Variants in ARHGEF40 observed in about 807,000 individuals in gnomAD.
The protein encoded by ARHGEF40 is Rho guanine nucleotide exchange factor (GEF) 40.
ARHGEF40 carries 98 observed loss-of-function variants against 165.9 expected under a neutral mutation model. The ratio of observed to expected loss-of-function variants is 0.59; its 90% CI spans 0.50 to 0.70. The LOEUF (loss-of-function observed/expected upper bound fraction) is 0.70. Among genes scored for constraint, ARHGEF40 ranks in the 30% least tolerant of loss-of-function variants. The pLI, the probability that ARHGEF40 is intolerant of heterozygous loss-of-function variation, is 0.00. For missense variants in ARHGEF40, 1,815 were observed against 1,968.0 expected, an observed-to-expected ratio of 0.92 and a Z score of 1.47; for synonymous variants, 792 against 814.3, an observed-to-expected ratio of 0.97 and a Z score of 0.47.
At chr14:21,066,962 G>A (rs1374208542), upstream of ARHGEF40, among the ~76,000 whole-genome samples, 3 of 152,244 alleles carry the variant, frequency 2.0e-5, no homozygotes, top group Non-Finnish European at 4.4e-5. Context: ...ACAAGAACAC[G>A]TGCTCTCAAG....
At chr14:21,071,307 A>C (rs1241653201) in intron 1 of ARHGEF40, among the ~76,000 whole-genome samples, 1 of 152,184 alleles carries the variant, frequency 6.6e-6, no homozygotes, top group East Asian at 1.9e-4. Flanking sequence ...GGGCACTGCC[A>C]GAGAGAGCGC....
chr14:21,081,528 AG>A lies in ARHGEF40; in HGVS notation c.2663del (p.Gly888AlafsTer61). The A allele has an allele frequency of 6.2e-7, 1 of 1,613,036 alleles. No homozygotes were observed. The highest frequency in any genetic ancestry group is 8.5e-7 in the Non-Finnish European group (1 of 1,179,902). ...TCGTAGGCACATGAATGGGTGGATGAGGGCTTTGCTCGGCTGGCAGGAGCTG... is the reference window on the plus strand; with the variant it reads ...TCGTAGGCACATGAATGGGTGGATGAGGCTTTGCTCGGCTGGCAGGAGCTG... ...FFQQAHEWVDEGFARLAGAGP... is the reference protein window; with the variant it reads ...FFQQAHEWVDXGFARLAGAGP... On this transcript the variant is annotated frameshift_variant, in exon 14 of 24. Coordinates refer to ENST00000298694, the MANE Select transcript of ARHGEF40 (RefSeq NM_018071.5). LOFTEE classifies it high-confidence loss of function.
chr14:21,084,690 G>T lies in ARHGEF40; in HGVS notation c.3790-63G>T, dbSNP rs572937754. 2.3e-4 allele frequency: 357 copies of T among 1,542,996 alleles called. 3 individuals are homozygous for T. In the South Asian group the frequency reaches 4.3e-3, roughly 19 times the overall value. On this transcript the variant is annotated intron_variant, in intron 17 of 23. Transcript: ENST00000298694. Reference sequence around the variant, plus strand: ...CCACTTGCCCTATAAATCTATTTTTGCTCCCTGTAAAATACAAACAAAGGG... The same window carrying T: ...CCACTTGCCCTATAAATCTATTTTTTCTCCCTGTAAAATACAAACAAAGGG...
chr14:21,079,938 A>G (rs991120296), intron 11 of ARHGEF40, among the ~76,000 whole-genome samples: 1 of 152,126 alleles, frequency 6.6e-6, no homozygotes, highest in African/African-American at 2.4e-5. Flanking sequence ...CTGAGTTCCC[A>G]AGTCCTCATC....
Position 21,087,824 on chromosome 14 carries a change from G to T in ARHGEF40, c.4388-144G>T, listed in dbSNP as rs1888481401. ...CTGACAATTTCCTGCCTCTTGGTAG[G>T]GGGTTCCCTTGCAACTGGATCGCTA... is the stretch of plus-strand genomic sequence containing the variant. On this transcript the variant is annotated intron_variant, in intron 21 of 23. Transcript: ENST00000298694. The T allele has an allele frequency of 3.6e-6, 4 of 1,097,916 alleles. No individual in the cohort carries two copies. In the East Asian group the frequency reaches 9.5e-5, roughly 26 times the overall value. 68.0% of individuals were successfully genotyped at this position (1,097,916 alleles called of 1,614,324 possible). A position where few individuals can be genotyped will look rare whatever the true frequency, so the allele number is the denominator to read the frequency against.
chr14:21,070,064 G>A (rs1256935917), upstream of ARHGEF40, among the ~76,000 whole-genome samples: 1 of 152,232 alleles, frequency 6.6e-6, no homozygotes, highest in Non-Finnish European at 1.5e-5. The surrounding 1 kb of genome is among the most constrained non-coding windows in gnomAD (Gnocchi z 4.7). Flanking sequence ...CTGGAGGGCG[G>A]GGCGGAGAAG....
At chr14:21,079,364 T>A (rs2139236398) in intron 11 of ARHGEF40, among the ~76,000 whole-genome samples, 1 of 152,282 alleles carries the variant, frequency 6.6e-6, no homozygotes. Flanking sequence ...AGCTCATTAG[T>A]TATACTGCCA....
intron 20 of ARHGEF40, 94 bp downstream of exon 20, chr14:21,087,199 A>G: frequency 6.3e-7 from 1 of 1,581,524 alleles, no homozygotes; most frequent in Non-Finnish European, 8.6e-7. Flanking sequence ...CAGGAAAGGC[A>G]TCTCGTCCCC....
At chr14:21,063,116 C>T in the ARHGEF40 span, among the ~76,000 whole-genome samples, 34 of 151,898 alleles carry the variant, frequency 2.2e-4, no homozygotes, top group Non-Finnish European at 3.7e-4. Flanking sequence ...GGCAACGGAG[C>T]GAGACCCTGT....
chr14:21,077,079 C>T (rs1189867480), intron 8 of ARHGEF40, among the ~76,000 whole-genome samples, 189 bp downstream of exon 8: 2 of 152,088 alleles, frequency 1.3e-5, no homozygotes, highest in African/African-American at 2.4e-5. Flanking sequence ...CCATGTTCTA[C>T]TGGGGAGATA....
chr14:21,070,791 T>G lies in ARHGEF40; in HGVS notation c.3+392T>G. On this transcript the variant is annotated intron_variant, in intron 1 of 23. Coordinates refer to ENST00000298694, the MANE Select transcript of ARHGEF40 (RefSeq NM_018071.5). The surrounding 1 kb of genome is among the most constrained non-coding windows in gnomAD (Gnocchi z 4.7). The stretch of plus-strand genomic sequence containing the variant: ...CTGCGGGTTGGTCCTGCAGCGACCC[T>G]GGAAGAGGCCCGGCCCCTCGGGTCA... The G allele has an allele frequency of 3.3e-6, 5 of 1,534,438 alleles. No individual in the cohort carries two copies. The highest frequency in any genetic ancestry group is 2.5e-5 in the East Asian group (1 of 40,758).
Position 21,078,289 on chromosome 14 carries a change from G to C in ARHGEF40, c.2130+17G>C, listed in dbSNP as rs1426650971. ...GAGGAAGAGGTATGAAATGAGATGG[G>C]ACAGTGGGGGGATGGGATTGGGATG... On this transcript the variant is annotated intron_variant, in intron 9 of 23. Coordinates refer to ENST00000298694, the MANE Select transcript of ARHGEF40 (RefSeq NM_018071.5). 4.3e-5 allele frequency: 69 copies of C among 1,612,058 alleles called. No individual in the cohort carries two copies. Among genetic ancestry groups the C allele is most frequent in the Non-Finnish European group, 5.8e-5 (68 of 1,179,002 alleles).
rs1025511798 is a variant in ARHGEF40, at chr14:21,088,856, C to T, written c.4545C>T (p.Pro1515=). ...GTCATGCTCGAGCCCTGAGTGACCC[C>T]ACCACGCCTCTGTGACCTGGGTGAG... ...RQSHARALSD[P]TTPL The change falls in exon 23 of 24, where the codon CCC becomes CCT. Residue 1515 remains proline (P), a synonymous_variant. Coordinates refer to ENST00000298694, the MANE Select transcript of ARHGEF40 (RefSeq NM_018071.5). 1.9e-6 allele frequency: 3 copies of T among 1,613,330 alleles called. No individual in the cohort carries two copies. The South Asian group carries it at 3.3e-5, about 18-fold the overall frequency.
the ARHGEF40 span, among the ~76,000 whole-genome samples, chr14:21,063,035 T>C: frequency 6.7e-6 from 1 of 150,228 alleles, no homozygotes; most frequent in Non-Finnish European, 1.5e-5. Context: ...GATGCTGAAG[T>C]GGGAGGATTG....
upstream of ARHGEF40, among the ~76,000 whole-genome samples, chr14:21,065,581 T>TA (rs1886220906): frequency 6.6e-6 from 1 of 151,926 alleles, no homozygotes; most frequent in Non-Finnish European, 1.5e-5. Context: ...ATGAAGAAAA[T>TA]ACAACAGAAT....
At position 21,073,073 on chromosome 14, in the gene ARHGEF40, A is replaced by C. The variant is rs754655958; in HGVS notation, c.32A>C (p.Gln11Pro). The C allele has an allele frequency of 1.2e-6, 2 of 1,614,130 alleles. No individual in the cohort carries two copies. Among genetic ancestry groups the C allele is most frequent in the East Asian group, 2.2e-5 (1 of 44,886 alleles). ...CCTGAGCCAGTGGAGGACTGTGTGC[A>C]GAGCACTCTCGCCGCCCTGTATCCA... MEPEPVEDCV[Q>P]STLAALYPPF... Residue 11 changes from glutamine (Q) to proline (P), a missense_variant, in exon 2 of 24, where the codon CAG (glutamine) becomes CCG (proline). Physicochemically the swap from Gln to Pro is moderately conservative, Grantham distance 76 (BLOSUM62 -1). Coordinates refer to ENST00000298694, the MANE Select transcript of ARHGEF40 (RefSeq NM_018071.5). The surrounding 1 kb of genome is among the most constrained non-coding windows in gnomAD (Gnocchi z 4.6).
chr14:21,087,218 G>T (rs1888415680), intron 20 of ARHGEF40, 102 bp from the exon 21 acceptor site: 1 of 1,576,332 alleles, frequency 6.3e-7, no homozygotes, highest in South Asian at 1.1e-5. Context: ...CCAAATCAGT[G>T]GGACTGGCTG....
Position 21,072,942 on chromosome 14 carries a change from A to G in ARHGEF40, c.4-103A>G, listed in dbSNP as rs900990646. 6 of 1,207,026 alleles carry G rather than the reference A, an allele frequency of 5.0e-6. No individual in the cohort carries two copies. Among genetic ancestry groups the G allele is most frequent in the South Asian group, 4.2e-5 (3 of 71,868 alleles). The allele number at this position is 1,207,026 out of a possible 1,614,324, so 74.8% of individuals were successfully genotyped here. The stretch of plus-strand genomic sequence containing the variant: ...GCTCACTTTTTGCCCACATTGTACA[A>G]TCGGGGCTTTGGAGAACACAGCCAA... On this transcript the variant is annotated intron_variant, in intron 1 of 23. Coordinates refer to ENST00000298694, the MANE Select transcript of ARHGEF40 (RefSeq NM_018071.5). The surrounding 1 kb of genome is among the most constrained non-coding windows in gnomAD (Gnocchi z 4.1).
chr14:21,078,496 G>A lies in ARHGEF40; in HGVS notation c.2246+8G>A, dbSNP rs754661136. The A allele has an allele frequency of 3.2e-6, 5 of 1,559,492 alleles. No individual in the cohort carries two copies. Among genetic ancestry groups the A allele is most frequent in the Non-Finnish European group, 3.5e-6 (4 of 1,149,212 alleles). On this transcript the variant is annotated splice_region_variant and intron_variant, in intron 10 of 23. Transcript: ENST00000298694. ...CTCCACTCCCAGCAGCAAGTACGAA[G>A]TATGGGTGTGCGGAGGCAGGTGGAA...
Sources: allele counts gnomAD v4.1 joint callset (sites outside exome capture counted in the v4.1 genomes callset), GRCh38; gene constraint gnomAD v4.1.1; non-coding constraint Gnocchi (gnomAD v3.1); transcripts MANE v1.5; gene names NCBI Gene and HGNC (gene_info 2026-07-23, HGNC 2026-07-21).